The following CACNA2D3 variants were observed in gnomAD, a reference collection of about 807,000 sequenced individuals.
CACNA2D3 encodes the protein voltage-dependent calcium channel subunit alpha-2/delta-3.
CACNA2D3 carries 60 observed loss-of-function variants against 160.6 expected under a neutral mutation model. The observed-to-expected ratio is 0.37, with a 90% CI of 0.30 to 0.46. The LOEUF is 0.46. Ranked by LOEUF, CACNA2D3 falls within the 20% of genes least tolerant of loss-of-function variation. CACNA2D3 has a pLI of 1.00. For missense variants in CACNA2D3, 1,205 were observed against 1,365.0 expected (o/e 0.88, Z 1.85); for synonymous variants, 558 against 492.9 (o/e 1.13, Z -1.75).
At chr3:54,723,449 C>A (rs1332302171) in intron 11 of CACNA2D3, among the ~76,000 whole-genome samples, 2 of 152,206 alleles carry the variant, frequency 1.3e-5, no homozygotes, top group Non-Finnish European at 2.9e-5. Context: ...ATGGAAAAAA[C>A]TCCTACAGCT....
intron 9 of CACNA2D3, among the ~76,000 whole-genome samples, chr3:54,593,931 G>A (rs997750519): frequency 6.6e-6 from 1 of 152,162 alleles, no homozygotes; most frequent in Non-Finnish European, 1.5e-5. Context: ...TATGCGAGAT[G>A]TAGTACAGAA....
At chr3:54,905,828 G>A (rs775731007) in intron 27 of CACNA2D3, among the ~76,000 whole-genome samples, 3 of 152,080 alleles carry the variant, frequency 2.0e-5, no homozygotes, top group Admixed American at 6.5e-5. Context: ...TAAACTGACA[G>A]GTAAACTTCA....
At chr3:54,784,326 A>G (rs747519898) in intron 13 of CACNA2D3, among the ~76,000 whole-genome samples, 1 of 152,176 alleles carries the variant, frequency 6.6e-6, no homozygotes, top group Non-Finnish European at 1.5e-5. Context: ...AAGCAGGCCA[A>G]TTAACCTTGG....
rs565614039 is a variant in CACNA2D3 at position 54,752,611 on chromosome 3, A to G, written c.1180A>G (p.Thr394Ala). 2 of 1,613,346 alleles carry G rather than the reference A, an allele frequency of 1.2e-6. No homozygotes were observed. Among genetic ancestry groups the G allele is most frequent in the African/African-American group, 2.7e-5 (2 of 75,066 alleles). The change falls in exon 12 of 38, where the codon ACA (threonine) becomes GCA (alanine). Residue 394 changes from threonine to alanine, a missense_variant. Around this residue, in one of 3 missense-constraint regions of CACNA2D3, gnomAD observed 911 missense variants for 1,002.2 expected, o/e 0.91. Transcript: ENST00000474759. ...GTCTTCCCTTCAGGTTCGCATCTTC[A>G]CATACCTCATTGGACGAGAGGCTGC... ...NWPDRKVRIFTYLIGREAAFA... is the reference protein window; with the variant it reads ...NWPDRKVRIFAYLIGREAAFA...
chr3:54,649,413 T>G (rs1699716492), intron 11 of CACNA2D3, among the ~76,000 whole-genome samples: 1 of 152,210 alleles, frequency 6.6e-6, no homozygotes, highest in Non-Finnish European at 1.5e-5. Flanking sequence ...GAAATTAGGC[T>G]CCCTCTACAG....
chr3:54,367,277 A>G (rs1403441619), intron 3 of CACNA2D3, among the ~76,000 whole-genome samples: 1 of 152,168 alleles, frequency 6.6e-6, no homozygotes, highest in Non-Finnish European at 1.5e-5. Flanking sequence ...ACTAAGGAAG[A>G]CTTTTCAGTT....
intron 35 of CACNA2D3, among the ~76,000 whole-genome samples, chr3:55,036,896 C>T (rs575580447): frequency 2.0e-4 from 30 of 152,214 alleles, no homozygotes; most frequent in African/African-American, 6.7e-4. Flanking sequence ...GACTAGCCTC[C>T]CCAGAATCAT....
At chr3:54,268,884 A>G (rs1004683143) in intron 2 of CACNA2D3, among the ~76,000 whole-genome samples, 2 of 152,210 alleles carry the variant, frequency 1.3e-5, no homozygotes, top group Non-Finnish European at 2.9e-5. Context: ...CCTTGAAGGC[A>G]GACTAAGTTT....
intron 27 of CACNA2D3, among the ~76,000 whole-genome samples, chr3:54,965,563 G>A (rs891144705): frequency 7.2e-5 from 11 of 152,318 alleles, no homozygotes; most frequent in African/African-American, 1.9e-4. Flanking sequence ...TCAACTGGAC[G>A]TGGAGGGAGC....
At chr3:54,922,008 T>C (rs1277713838) in intron 27 of CACNA2D3, among the ~76,000 whole-genome samples, 3 of 152,194 alleles carry the variant, frequency 2.0e-5, no homozygotes, top group African/African-American at 7.2e-5. Flanking sequence ...TTGACACATA[T>C]TTGGATTTTT....
At chr3:54,475,540 C>A (rs1178190998) in intron 4 of CACNA2D3, among the ~76,000 whole-genome samples, 2 of 152,066 alleles carry the variant, frequency 1.3e-5, no homozygotes, top group Non-Finnish European at 2.9e-5. Context: ...TCATCAGTTT[C>A]TTTGGGTTCT....
At chr3:54,685,489 G>GGGA (rs1454716106) in intron 11 of CACNA2D3, among the ~76,000 whole-genome samples, 1 of 152,206 alleles carries the variant, frequency 6.6e-6, no homozygotes, top group Non-Finnish European at 1.5e-5. Context: ...GAATCAGTCA[G>GGGA]TCAATCTGAT....
intron 27 of CACNA2D3, among the ~76,000 whole-genome samples, chr3:54,923,484 T>A (rs1700912502): frequency 6.6e-6 from 1 of 152,142 alleles, no homozygotes; most frequent in Non-Finnish European, 1.5e-5. Context: ...GAGACCCACA[T>A]TCTATCACTC....
intron 11 of CACNA2D3, among the ~76,000 whole-genome samples, chr3:54,699,060 T>G (rs1013543215): frequency 6.6e-6 from 1 of 152,140 alleles, no homozygotes; most frequent in Admixed American, 6.5e-5. Flanking sequence ...GTGTGCTTCA[T>G]TGAAAAGACA....
intron 30 of CACNA2D3, among the ~76,000 whole-genome samples, chr3:54,987,312 C>T (rs1463599018): frequency 3.3e-5 from 5 of 152,164 alleles, no homozygotes; most frequent in African/African-American, 4.8e-5. Flanking sequence ...GAAGCCCTCT[C>T]ATAGTCTGTT....
In CACNA2D3 at chr3:54,139,006, C is replaced by T. The variant is rs150025884; in HGVS notation, c.204+15412C>T. On this transcript the variant is annotated intron_variant, in intron 2 of 37. Coordinates refer to ENST00000474759, the MANE Select transcript of CACNA2D3 (RefSeq NM_018398.3). ...GGGCTGGAGGGGGCAGGAGTCTGGCCTGGGGTCTGGACGTCCAGGTTCTAG... is the reference window on the plus strand; with the variant it reads ...GGGCTGGAGGGGGCAGGAGTCTGGCTTGGGGTCTGGACGTCCAGGTTCTAG... Among the ~76,000 whole-genome samples the T allele has an allele frequency of 2.6e-4, 39 of 152,280 alleles. 1 individual carries two copies. In the East Asian group the frequency reaches 7.5e-3, roughly 29 times the overall value.
intron 2 of CACNA2D3, among the ~76,000 whole-genome samples, chr3:54,244,148 T>G (rs543793121): frequency 6.6e-6 from 1 of 152,030 alleles, no homozygotes; most frequent in Non-Finnish European, 1.5e-5. Context: ...ACTGCGACCG[T>G]GGAGTGAGCG....
At chr3:54,782,717 C>G (rs1702559019) in intron 13 of CACNA2D3, among the ~76,000 whole-genome samples, 1 of 152,096 alleles carries the variant, frequency 6.6e-6, no homozygotes, top group Non-Finnish European at 1.5e-5. Context: ...AAAAAGTCTA[C>G]TGAAGCCATC....
intron 4 of CACNA2D3, among the ~76,000 whole-genome samples, chr3:54,452,886 A>G (rs187455343): frequency 2.2e-4 from 33 of 151,264 alleles, no homozygotes; most frequent in Non-Finnish European, 3.4e-4. Flanking sequence ...GCATCACTCT[A>G]ATTTCTGCCT....
Sources: gnomAD v4.1 joint callset for allele counts (sites outside exome capture counted in the v4.1 genomes callset) on GRCh38, gnomAD v4.1.1 for gene constraint, gnomAD v4.1.1 regional missense constraint, MANE v1.5 for transcripts, NCBI Gene and HGNC (gene_info 2026-07-23, HGNC 2026-07-21) for gene names.